The following CEP350 variants were observed in gnomAD, a reference collection of about 807,000 sequenced individuals.
CEP350 encodes the protein centrosome-associated protein 350.
In CEP350, 126 loss-of-function variants were observed where a neutral mutation model predicts 331.8. The observed-to-expected ratio is 0.38, with a 90% confidence interval of 0.33 to 0.44. The LOEUF (loss-of-function observed/expected upper bound fraction) is 0.44. Ranked by LOEUF, CEP350 falls within the 20% of genes least tolerant of loss-of-function variation. CEP350 has a pLI of 1.00. For synonymous variants in CEP350, 1,200 were observed against 1,259.5 expected (o/e 0.95, Z 1.00); for missense variants, 3,406 against 3,634.6 (o/e 0.94, Z 1.62).
intron 22 of CEP350, chr1:180,052,326 C>A (rs933891307): frequency 2.4e-6 from 1 of 415,342 alleles, no homozygotes; most frequent in Non-Finnish European, 4.7e-6. Flanking sequence ...GGTGTGAGCC[C>A]CTGTGCCTGG....
intron 37 of CEP350, among the ~76,000 whole-genome samples, chr1:180,102,224 C>G (rs1394790787): frequency 1.3e-5 from 2 of 151,998 alleles, no homozygotes; most frequent in Non-Finnish European, 2.9e-5. Context: ...CAACCTCCGC[C>G]TCCCGGGTTC....
chr1:180,018,417 A>G (rs907399009), intron 11 of CEP350, among the ~76,000 whole-genome samples: 1 of 152,224 alleles, frequency 6.6e-6, no homozygotes, highest in African/African-American at 2.4e-5. Context: ...ACTTGAATTT[A>G]AAGCTCTTGG....
chr1:180,092,772 CT>C lies in CEP350; in HGVS notation c.6668del (p.Leu2223GlnfsTer13). On this transcript the variant is annotated frameshift_variant, in exon 34 of 38. Transcript: ENST00000367607. LOFTEE classifies it high-confidence loss of function. ...RKIREESGDS[L>X]ENVPALHLLK... ...AATCAGAGAAGAATCTGGAGATTCT[CT>C]AGAAAATGTACCTGCATTACATCTT... The C allele has an allele frequency of 6.3e-7, 1 of 1,586,758 alleles. No individual in the cohort carries two copies. The highest frequency in any genetic ancestry group is 8.6e-7 in the Non-Finnish European group (1 of 1,164,944).
intron 36 of CEP350, among the ~76,000 whole-genome samples, chr1:180,098,330 TTTG>T (rs10616901): frequency 0.98 from 148,940 of 151,552 alleles, 73,246 homozygotes; most frequent in Non-Finnish European, 1. Context: ...TGGGTTTTAC[TTTG>T]TTGTTGTTGT....
rs768838096 is a variant in CEP350, at chr1:180,087,696, A to G, written c.6404A>G (p.Lys2135Arg). 3.2e-6 allele frequency: 5 copies of G among 1,584,306 alleles called. No individual in the cohort carries two copies. The highest frequency in any genetic ancestry group is 1.8e-5 in the Admixed American group (1 of 56,884). Residue 2135 changes from lysine to arginine, a missense_variant, in exon 32 of 38, where the codon AAA (lysine) becomes AGA (arginine). Physicochemically the swap from Lys to Arg is conservative, Grantham distance 26 (BLOSUM62 2). This residue lies in a region of CEP350 where 1,415 missense variants were observed against 1,512.3 expected (regional missense o/e 0.94). Transcript: ENST00000367607. ...LSSASEKPKI[K>R]PLTPLHRSET... Reference sequence around the variant, plus strand: ...TCAGCTTCTGAAAAACCCAAGATCAAACCCCTCACACCACTACACAGGTAG... The same window carrying G: ...TCAGCTTCTGAAAAACCCAAGATCAGACCCCTCACACCACTACACAGGTAG...
At chr1:180,078,441 T>G (rs1456613605) in intron 28 of CEP350, 22 bp from the exon 29 acceptor site, 1 of 1,553,666 alleles carries the variant, frequency 6.4e-7, no homozygotes, top group Non-Finnish European at 8.8e-7. Context: ...TTTTTTTTCT[T>G]GTTTTCACCT....
intron 27 of CEP350, among the ~76,000 whole-genome samples, chr1:180,071,017 G>A (rs893398075): frequency 8.6e-5 from 13 of 151,650 alleles, no homozygotes; most frequent in East Asian, 1.9e-4. Flanking sequence ...GCATGGCGGC[G>A]CGTGCCTGTA....
At chr1:180,037,137 C>T (rs771268715) in intron 17 of CEP350, 48 bp downstream of exon 17, 1 of 1,475,424 alleles carries the variant, frequency 6.8e-7, no homozygotes, top group Non-Finnish European at 9.0e-7. Context: ...TTTTTCTTCG[C>T]TATTTAAAAT....
Position 180,014,026 on chromosome 1 carries a change from C to T in CEP350, c.1573C>T (p.Pro525Ser). 2 of 1,613,310 alleles carry T rather than the reference C, an allele frequency of 1.2e-6. No homozygotes were observed. Among genetic ancestry groups the T allele is most frequent in the Non-Finnish European group, 1.7e-6 (2 of 1,179,590 alleles). Residue 525 changes from proline to serine, a missense_variant, in exon 10 of 38, where the codon CCT (proline) becomes TCT (serine). Pro to Ser is a moderately conservative substitution (Grantham distance 74). Around this residue, in one of 5 missense-constraint regions of CEP350, gnomAD observed 1,857 missense variants for 1,909.2 expected, o/e 0.97. Transcript: ENST00000367607. ...TACTGCCTTAAATAAGGACTTTTTACCTATTGAAATTCGTGGCATTCTTGA... is the reference window on the plus strand; with the variant it reads ...TACTGCCTTAAATAAGGACTTTTTATCTATTGAAATTCGTGGCATTCTTGA... ...ENTALNKDFL[P>S]IEIRGILDDL...
intron 30 of CEP350, among the ~76,000 whole-genome samples, chr1:180,081,167 C>T (rs1323518355): frequency 6.6e-6 from 1 of 152,130 alleles, no homozygotes; most frequent in Non-Finnish European, 1.5e-5. Context: ...TGCACCCGGC[C>T]CACTGTACTG....
chr1:180,064,515 CTGTT>C (rs879600313), intron 26 of CEP350, among the ~76,000 whole-genome samples: 6 of 152,246 alleles, frequency 3.9e-5, no homozygotes, highest in East Asian at 3.9e-4. Context: ...GAATAAATGA[CTGTT>C]TGTGGGGAAA....
At chr1:180,004,902 G>T (rs71516918) in intron 7 of CEP350, among the ~76,000 whole-genome samples, 88,546 of 124,438 alleles carry the variant, frequency 0.71, 30,625 homozygotes, top group East Asian at 0.78. Flanking sequence ...TTGCTTGCTT[G>T]CTTGCTTTCT....
At chr1:180,068,537 A>G (rs538834032) in intron 27 of CEP350, among the ~76,000 whole-genome samples, 1 of 152,324 alleles carries the variant, frequency 6.6e-6, no homozygotes, top group South Asian at 2.1e-4. Context: ...TGGATTGCCT[A>G]TAAACATGAA....
At chr1:179,989,290 A>G (rs1031664770) in intron 3 of CEP350, among the ~76,000 whole-genome samples, 2 of 151,542 alleles carry the variant, frequency 1.3e-5, no homozygotes, top group African/African-American at 2.4e-5. Flanking sequence ...TAAAATTCAG[A>G]TTCTGAATTT....
At chr1:179,982,483 T>C (rs1243297014) in intron 1 of CEP350, among the ~76,000 whole-genome samples, 2 of 152,206 alleles carry the variant, frequency 1.3e-5, no homozygotes, top group African/African-American at 4.8e-5. Flanking sequence ...TGCCCATTAA[T>C]AGGGTATTTA....
At chr1:180,073,317 T>A (rs1659016754) in intron 27 of CEP350, among the ~76,000 whole-genome samples, 1 of 152,168 alleles carries the variant, frequency 6.6e-6, no homozygotes, top group African/African-American at 2.4e-5. Context: ...CAAGCTAGAT[T>A]GTGATGGTAA....
intron 27 of CEP350, among the ~76,000 whole-genome samples, chr1:180,074,407 A>G (rs1659092083): frequency 6.6e-6 from 1 of 152,220 alleles, no homozygotes; most frequent in African/African-American, 2.4e-5. Flanking sequence ...TGCATAAGAC[A>G]TGGACTGTGG....
chr1:179,980,690 G>C (rs1027010416), intron 1 of CEP350, among the ~76,000 whole-genome samples: 7 of 152,058 alleles, frequency 4.6e-5, no homozygotes, highest in Admixed American at 4.6e-4. Flanking sequence ...TGAGATTGTA[G>C]AGGTCAGAAC....
In CEP350 at chr1:180,014,219, G is replaced by T; in HGVS notation, c.1766G>T (p.Arg589Leu). ...GATCCCCCTGTTATTTCCAAAAGGC[G>T]CCACTATGACACAGATGAGGTACGA... Reference protein sequence around the residue: ...NEDPPVISKRRHYDTDEVRQY... With the variant: ...NEDPPVISKRLHYDTDEVRQY... The change falls in exon 10 of 38, where the codon CGC becomes CTC. Residue 589 changes from arginine (R) to leucine (L), a missense_variant. Around this residue, in one of 5 missense-constraint regions of CEP350, gnomAD observed 1,857 missense variants for 1,909.2 expected, o/e 0.97. Transcript: ENST00000367607. The T allele has an allele frequency of 6.2e-7, 1 of 1,610,644 alleles. No homozygotes were observed. The highest frequency in any genetic ancestry group is 8.5e-7 in the Non-Finnish European group (1 of 1,178,544).
Sources: allele counts gnomAD v4.1 joint callset (sites outside exome capture counted in the v4.1 genomes callset), GRCh38; gene constraint gnomAD v4.1.1; regional missense constraint gnomAD v4.1.1; transcripts MANE v1.5; gene names NCBI Gene and HGNC (gene_info 2026-07-23, HGNC 2026-07-21).